The following SRGAP1 variants were observed in gnomAD, a reference collection of about 807,000 sequenced individuals.
SRGAP1 encodes SLIT-ROBO Rho GTPase-activating protein 1.
In SRGAP1, 43 loss-of-function variants were observed where a neutral mutation model predicts 121.9. That is an observed-to-expected ratio of 0.35 (90% confidence interval 0.28 to 0.46). SRGAP1 has a LOEUF of 0.46. Ranked by LOEUF, SRGAP1 falls within the 20% of genes least tolerant of loss-of-function variation. SRGAP1 has a pLI of 1.00. For missense variants in SRGAP1, 1,102 were observed against 1,350.9 expected (o/e 0.82, Z 2.89); for synonymous variants, 447 against 485.4 (o/e 0.92, Z 1.04).
At chr12:63,956,794 T>G (rs534396770) in intron 1 of SRGAP1, among the ~76,000 whole-genome samples, 1 of 150,608 alleles carries the variant, frequency 6.6e-6, no homozygotes, top group Admixed American at 6.6e-5. Flanking sequence ...AGTGTATAAT[T>G]CCATGGTTTT....
Position 64,147,409 on chromosome 12 carries a change from T to C in SRGAP1, c.*4737T>C. 1 of 131,692 alleles carries C rather than the reference T, an allele frequency of 7.6e-6. No individual in the cohort carries two copies. The highest frequency in any genetic ancestry group is 1.6e-5 in the Non-Finnish European group (1 of 64,154). The allele number at this position is 131,692 out of a possible 1,614,324, so 8.2% of individuals were successfully genotyped here. A position where few individuals can be genotyped will look rare whatever the true frequency, so the allele number is the denominator to read the frequency against. On this transcript the variant is annotated 3_prime_UTR_variant, in exon 22 of 22. Transcript: ENST00000355086. ...GCTGCCCACTCGAGTGTTTCGAAGC[T>C]TCCTCCCTGTCCCCCACCTTCCCCA...
chr12:63,910,614 G>A (rs1163831220), intron 1 of SRGAP1, among the ~76,000 whole-genome samples: 1 of 152,110 alleles, frequency 6.6e-6, no homozygotes, highest in Non-Finnish European at 1.5e-5. Context: ...ACTTTAGAGG[G>A]GAAAATGCAT....
In SRGAP1 at chr12:64,152,791, C is replaced by G. The variant is rs1481239237; in HGVS notation, c.*10119C>G. 6.6e-6 allele frequency: 1 copy of G among 151,920 alleles called. No homozygotes were observed. 9.4% of individuals were successfully genotyped at this position (151,920 alleles called of 1,614,324 possible). ...ATGAAGGGTTCCCCAAACCTCCCAGCTGGCATTAATTGTTCTGTTACATTT... is the reference window on the plus strand; with the variant it reads ...ATGAAGGGTTCCCCAAACCTCCCAGGTGGCATTAATTGTTCTGTTACATTT... On this transcript the variant is annotated 3_prime_UTR_variant, in exon 22 of 22. Transcript: ENST00000355086.
chr12:64,052,332 TC>T (rs1243154956), intron 6 of SRGAP1, among the ~76,000 whole-genome samples: 1 of 152,116 alleles, frequency 6.6e-6, no homozygotes, highest in Non-Finnish European at 1.5e-5. Flanking sequence ...GGCAGGCAGA[TC>T]ACCTGAGGTC....
intron 1 of SRGAP1, among the ~76,000 whole-genome samples, chr12:63,884,462 C>G (rs551248949): frequency 6.6e-6 from 1 of 151,902 alleles, no homozygotes. Context: ...CAGTACATAC[C>G]TGTGTTGTAT....
At chr12:64,002,566 T>C (rs1235437764) in intron 3 of SRGAP1, among the ~76,000 whole-genome samples, 1 of 152,190 alleles carries the variant, frequency 6.6e-6, no homozygotes, top group Non-Finnish European at 1.5e-5. Flanking sequence ...TAAAGTTCTT[T>C]ATGAACTGCT....
Position 64,149,164 on chromosome 12 carries a change from G to C in SRGAP1, c.*6492G>C, listed in dbSNP as rs944834959. 1.4e-4 allele frequency: 22 copies of C among 152,142 alleles called. No individual in the cohort carries two copies. The highest frequency in any genetic ancestry group is 5.1e-4 in the African/African-American group (21 of 41,438). 9.4% of individuals were successfully genotyped at this position (152,142 alleles called of 1,614,324 possible). ...ATCTTTAAACATGGAGAAATGAATG[G>C]GGGGTGAGGGACCCACCTGTCAAAG... On this transcript the variant is annotated 3_prime_UTR_variant, in exon 22 of 22. Transcript: ENST00000355086.
chr12:64,016,130 G>T (rs758810025), intron 3 of SRGAP1, among the ~76,000 whole-genome samples: 7 of 152,000 alleles, frequency 4.6e-5, no homozygotes, highest in Non-Finnish European at 1.0e-4. Context: ...ACCTTGAGTG[G>T]ACTTACCATT....
chr12:64,087,598 T>TG (rs2136577000), intron 11 of SRGAP1, among the ~76,000 whole-genome samples: 1 of 151,880 alleles, frequency 6.6e-6, no homozygotes, highest in East Asian at 1.9e-4. Flanking sequence ...TAGCCGGGCG[T>TG]GGTGGTGTGC....
chr12:63,848,515 A>G lies in SRGAP1; in HGVS notation c.67+3632A>G, dbSNP rs937741061. Among the ~76,000 whole-genome samples, 3 of 152,040 alleles carry G rather than the reference A, an allele frequency of 2.0e-5. No individual in the cohort carries two copies. The East Asian group carries it at 5.8e-4, about 29-fold the overall frequency. ...GTTTCGGTTTTCTTATCTATAAGATAAGGAGTTGGAATTCTCTTCATCTTA... is the reference window on the plus strand; with the variant it reads ...GTTTCGGTTTTCTTATCTATAAGATGAGGAGTTGGAATTCTCTTCATCTTA... On this transcript the variant is annotated intron_variant, in intron 1 of 21. Coordinates refer to ENST00000355086, the MANE Select transcript of SRGAP1 (RefSeq NM_020762.4).
chr12:64,091,939 A>G, intron 12 of SRGAP1: 1 of 1,534,388 alleles, frequency 6.5e-7, no homozygotes, highest in Non-Finnish European at 8.7e-7. Context: ...ATAGTGCTAG[A>G]GGGACGTGAG....
chr12:63,967,001 T>G (rs1037301480), intron 1 of SRGAP1, among the ~76,000 whole-genome samples: 1 of 152,254 alleles, frequency 6.6e-6, no homozygotes, highest in Admixed American at 6.5e-5. Context: ...TCCTGAGCTT[T>G]TTGATAGGTT....
chr12:63,990,037 C>A lies in SRGAP1; in HGVS notation c.391C>A (p.Gln131Lys). Reference sequence around the variant, plus strand: ...GAACAATGTGATTATGCGGTTCATGCAGATAAGTGAGGATTCTACCAGGAT... The same window carrying A: ...GAACAATGTGATTATGCGGTTCATGAAGATAAGTGAGGATTCTACCAGGAT... ...YLNNVIMRFM[Q>K]ISEDSTRMFK... is the part of the protein sequence containing the mutation. Residue 131 changes from glutamine to lysine, a missense_variant, in exon 3 of 22, where the codon CAG becomes AAG. Around this residue, in one of 3 missense-constraint regions of SRGAP1, gnomAD observed 747 missense variants for 929.4 expected, o/e 0.80. Coordinates refer to ENST00000355086, the MANE Select transcript of SRGAP1 (RefSeq NM_020762.4). The A allele has an allele frequency of 6.2e-7, 1 of 1,612,040 alleles. No homozygotes were observed. The highest frequency in any genetic ancestry group is 8.5e-7 in the Non-Finnish European group (1 of 1,179,268).
chr12:63,975,805 A>C (rs2033077293), intron 1 of SRGAP1, among the ~76,000 whole-genome samples: 2 of 152,202 alleles, frequency 1.3e-5, no homozygotes, highest in Non-Finnish European at 2.9e-5. Flanking sequence ...ACCAGAAGAC[A>C]GAAATGAGTG....
At chr12:64,019,208 T>C (rs1408530352) in intron 4 of SRGAP1, among the ~76,000 whole-genome samples, 4 of 152,288 alleles carry the variant, frequency 2.6e-5, no homozygotes, top group East Asian at 3.9e-4. Flanking sequence ...GAGAGATATA[T>C]ATAATTAAAT....
At chr12:64,123,295 A>G (rs1266992828) in intron 18 of SRGAP1, among the ~76,000 whole-genome samples, 1 of 152,190 alleles carries the variant, frequency 6.6e-6, no homozygotes, top group Non-Finnish European at 1.5e-5. Flanking sequence ...TACAGTGAGC[A>G]ATGATTGTGC....
chr12:63,943,116 G>A (rs2136352649), intron 1 of SRGAP1, among the ~76,000 whole-genome samples: 2 of 152,256 alleles, frequency 1.3e-5, no homozygotes, highest in South Asian at 4.1e-4. Flanking sequence ...TGTACCAGGA[G>A]AAACAGTATT....
chr12:64,147,564 A>C lies in SRGAP1; in HGVS notation c.*4892A>C. 2.5e-6 allele frequency: 1 copy of C among 398,558 alleles called. No individual in the cohort carries two copies. Among genetic ancestry groups the C allele is most frequent in the Non-Finnish European group, 4.4e-6 (1 of 226,254 alleles). 24.7% of individuals were successfully genotyped at this position (398,558 alleles called of 1,614,324 possible). ...CCCCTGTGTCCTCCCATCCCACCGCATCAGTCCCCCGCTCATGTGCTGCTG... is the reference window on the plus strand; with the variant it reads ...CCCCTGTGTCCTCCCATCCCACCGCCTCAGTCCCCCGCTCATGTGCTGCTG... On this transcript the variant is annotated 3_prime_UTR_variant, in exon 22 of 22. Transcript: ENST00000355086.
At chr12:63,856,685 T>C (rs892232505) in intron 1 of SRGAP1, among the ~76,000 whole-genome samples, 4 of 151,744 alleles carry the variant, frequency 2.6e-5, no homozygotes, top group African/African-American at 9.7e-5. Context: ...AATCACACTA[T>C]CTTAACTACT....
Sources: allele counts gnomAD v4.1 joint callset (sites outside exome capture counted in the v4.1 genomes callset), GRCh38; gene constraint gnomAD v4.1.1; regional missense constraint gnomAD v4.1.1; transcripts MANE v1.5; gene names NCBI Gene and HGNC (gene_info 2026-07-23, HGNC 2026-07-21).